ARHGAP10: variants seen among roughly 807,000 people sequenced by gnomAD.
ARHGAP10 encodes rho GTPase-activating protein 10.
ARHGAP10 carries 87 observed loss-of-function variants against 108.6 expected under a neutral mutation model. The ratio of observed to expected loss-of-function variants is 0.80; its 90% CI spans 0.67 to 0.96. The LOEUF (loss-of-function observed/expected upper bound fraction) is 0.96. Ranked by LOEUF, ARHGAP10 falls within the 40% of genes least tolerant of loss-of-function variation. ARHGAP10 has a pLI of 0.00. For synonymous variants in ARHGAP10, 347 were observed against 341.1 expected (o/e 1.02, Z -0.19); for missense variants, 939 against 954.5 (o/e 0.98, Z 0.21).
At chr4:147,800,932 A>G (rs6837391) in intron 1 of ARHGAP10, among the ~76,000 whole-genome samples, 114,124 of 152,182 alleles carry the variant, frequency 0.75, 48,272 homozygotes, top group Non-Finnish European at 0.93. Flanking sequence ...GTGCCTCCCA[A>G]GTAGCTGGGA....
chr4:147,947,247 T>A (rs1299773036), intron 15 of ARHGAP10, among the ~76,000 whole-genome samples: 17 of 144,010 alleles, frequency 1.2e-4, no homozygotes, highest in East Asian at 4.2e-4. Context: ...TTTTTTTTTT[T>A]AAAGAAAAGA....
intron 1 of ARHGAP10, among the ~76,000 whole-genome samples, chr4:147,752,510 A>G (rs912682426): frequency 2.0e-5 from 3 of 151,994 alleles, no homozygotes; most frequent in African/African-American, 7.2e-5. Flanking sequence ...AATAGAGGGT[A>G]CACAGGTTTA....
chr4:147,971,366 A>C (rs1739399329), intron 18 of ARHGAP10, among the ~76,000 whole-genome samples: 1 of 152,174 alleles, frequency 6.6e-6, no homozygotes, highest in African/African-American at 2.4e-5. Context: ...AAGTAAAGAC[A>C]GTCCAGTAGG....
intron 18 of ARHGAP10, among the ~76,000 whole-genome samples, chr4:147,989,995 C>T (rs1222507116): frequency 6.6e-6 from 1 of 152,134 alleles, no homozygotes; most frequent in Non-Finnish European, 1.5e-5. Flanking sequence ...CTTCACAATC[C>T]ACATTCTTCT....
intron 13 of ARHGAP10, among the ~76,000 whole-genome samples, chr4:147,939,006 C>T (rs1232084040): frequency 6.6e-6 from 1 of 152,160 alleles, no homozygotes; most frequent in Non-Finnish European, 1.5e-5. Flanking sequence ...CTTTTTCCCT[C>T]TTAAAGCAAA....
intron 10 of ARHGAP10, 81 bp from the exon 11 acceptor site, chr4:147,906,557 T>C (rs1390022821): frequency 7.5e-7 from 1 of 1,340,122 alleles, no homozygotes; most frequent in African/African-American, 1.5e-5. Context: ...AAAAAAAAAA[T>C]GGTTACAACA....
At chr4:147,892,164 T>A (rs1735815997) in intron 10 of ARHGAP10, among the ~76,000 whole-genome samples, 1 of 151,778 alleles carries the variant, frequency 6.6e-6, no homozygotes, top group Non-Finnish European at 1.5e-5. Context: ...AATTCACTTA[T>A]TTATATTTTT....
In ARHGAP10 at chr4:147,947,729, A is replaced by G. The variant is rs531459581; in HGVS notation, c.1391+1025A>G. Among the ~76,000 whole-genome samples, 23 of 152,160 alleles carry G rather than the reference A, an allele frequency of 1.5e-4. No homozygotes were observed. In the South Asian group the frequency reaches 4.8e-3, roughly 32 times the overall value. On this transcript the variant is annotated intron_variant, in intron 15 of 22. Coordinates refer to ENST00000336498, the MANE Select transcript of ARHGAP10 (RefSeq NM_024605.4). The stretch of plus-strand genomic sequence containing the variant: ...CAGGACCAGTTCTTTTTAACCATAC[A>G]TAGGGTTGTTTTTCAGGTAAAAGTT...
In ARHGAP10 at chr4:147,744,045, C is replaced by T. The variant is rs78534864; in HGVS notation, c.154+11590C>T. ...GTTGCTAGAGGTTTGTGAGAAGAAA[C>T]GTGTATATTAGTGCAGAAGAGTTCT... is the stretch of plus-strand genomic sequence containing the variant. On this transcript the variant is annotated intron_variant, in intron 1 of 22. Transcript: ENST00000336498. 1.2e-3 allele frequency among the ~76,000 whole-genome samples: 184 copies of T among 152,156 alleles called. 2 individuals are homozygous for T. The East Asian group carries it at 0.025, about 21-fold the overall frequency.
intron 18 of ARHGAP10, among the ~76,000 whole-genome samples, chr4:147,969,037 A>G (rs1578743465): frequency 6.6e-6 from 1 of 152,350 alleles, no homozygotes; most frequent in East Asian, 1.9e-4. Flanking sequence ...AATACCTGGT[A>G]CATATTAGGT....
intron 20 of ARHGAP10, among the ~76,000 whole-genome samples, chr4:148,051,531 C>G (rs1357724024): frequency 6.6e-6 from 1 of 152,188 alleles, no homozygotes; most frequent in African/African-American, 2.4e-5. Flanking sequence ...TCCTTTTCTG[C>G]TGGCACATTC....
At chr4:147,936,989 C>T (rs904739968) in intron 13 of ARHGAP10, among the ~76,000 whole-genome samples, 1 of 152,144 alleles carries the variant, frequency 6.6e-6, no homozygotes, top group East Asian at 1.9e-4. Context: ...GTGAACTGCA[C>T]ATGTGAGTGA....
intron 13 of ARHGAP10, among the ~76,000 whole-genome samples, chr4:147,929,595 C>T (rs1418362602): frequency 6.6e-6 from 1 of 152,176 alleles, no homozygotes; most frequent in African/African-American, 2.4e-5. Context: ...AACACATTAT[C>T]ACATTTTTGT....
chr4:147,905,902 C>A (rs1166158775), intron 10 of ARHGAP10, among the ~76,000 whole-genome samples: 5 of 152,110 alleles, frequency 3.3e-5, no homozygotes, highest in African/African-American at 9.7e-5. Flanking sequence ...ATTCTCTTTT[C>A]TTTCATTGAG....
Position 148,009,741 on chromosome 4 carries a change from G to T in ARHGAP10, c.1717-13522G>T, listed in dbSNP as rs1242361892. Among the ~76,000 whole-genome samples the T allele has an allele frequency of 2.0e-5, 3 of 152,264 alleles. No individual in the cohort carries two copies. The South Asian group carries it at 6.2e-4, about 32-fold the overall frequency. ...CTAATTTGGGATCTCCATCTAGTCA[G>T]ATGGACTAACTCAGCTTCAATTTCC... On this transcript the variant is annotated intron_variant, in intron 18 of 22. Coordinates refer to ENST00000336498, the MANE Select transcript of ARHGAP10 (RefSeq NM_024605.4).
chr4:148,020,487 A>G (rs991290023), intron 18 of ARHGAP10, among the ~76,000 whole-genome samples: 3 of 151,420 alleles, frequency 2.0e-5, no homozygotes, highest in Non-Finnish European at 4.4e-5. Context: ...TGTTCACCCC[A>G]GGTGTCCATG....
chr4:147,782,605 T>C (rs1443093002), intron 1 of ARHGAP10: 5 of 151,946 alleles, frequency 3.3e-5, no homozygotes, highest in Non-Finnish European at 5.9e-5. Context: ...ACTGCTAATA[T>C]CTAAATGCAG....
At chr4:147,776,301 C>G (rs1269745611) in intron 1 of ARHGAP10, among the ~76,000 whole-genome samples, 1 of 151,760 alleles carries the variant, frequency 6.6e-6, no homozygotes, top group African/African-American at 2.4e-5. Context: ...CTCACTGCAA[C>G]CTCTGCCTCC....
At chr4:148,026,437 C>A (rs187293546) in intron 19 of ARHGAP10, among the ~76,000 whole-genome samples, 4 of 152,254 alleles carry the variant, frequency 2.6e-5, no homozygotes, top group Admixed American at 2.6e-4. Context: ...TGAGAGATGA[C>A]CAGTTTAACT....
Sources: gnomAD v4.1 joint callset for allele counts (sites outside exome capture counted in the v4.1 genomes callset) on GRCh38, gnomAD v4.1.1 for gene constraint, MANE v1.5 for transcripts, NCBI Gene and HGNC (gene_info 2026-07-23, HGNC 2026-07-21) for gene names.